The following PTPN5 variants were observed in gnomAD, a reference collection of about 807,000 sequenced individuals.
PTPN5 encodes the protein protein tyrosine phosphatase non-receptor type 5, also known as tyrosine-protein phosphatase non-receptor type 5.
PTPN5 carries 29 observed loss-of-function variants against 73.9 expected under a neutral mutation model. The ratio of observed to expected loss-of-function variants is 0.39; its 90% CI spans 0.29 to 0.54. The LOEUF (loss-of-function observed/expected upper bound fraction) is 0.54. Among genes scored for constraint, PTPN5 ranks in the 20% least tolerant of loss-of-function variants. PTPN5 has a pLI of 0.65. For missense variants in PTPN5, 652 were observed against 751.4 expected, an observed-to-expected ratio of 0.87 and a Z score of 1.55; for synonymous variants, 267 against 304.7, an observed-to-expected ratio of 0.88 and a Z score of 1.29.
At chr11:18,773,092 A>C (rs1441390667) in intron 1 of PTPN5, among the ~76,000 whole-genome samples, 1 of 150,552 alleles carries the variant, frequency 6.6e-6, no homozygotes. Context: ...AAGGACTAGA[A>C]AGAAATGTAG....
chr11:18,777,381 A>G (rs769968091), intron 1 of PTPN5, among the ~76,000 whole-genome samples: 8 of 152,174 alleles, frequency 5.3e-5, no homozygotes, highest in Non-Finnish European at 1.2e-4. Flanking sequence ...ATCTTCACAC[A>G]AAGTTTTTAC....
chr11:18,731,250 A>ATTATATGTATG, intron 12 of PTPN5, among the ~76,000 whole-genome samples: 1 of 149,724 alleles, frequency 6.7e-6, no homozygotes, highest in Non-Finnish European at 1.5e-5. Flanking sequence ...ATATACATAC[A>ATTATATGTATG]TATATGATAT....
At chr11:18,749,280 TCAC>T (rs1198775442) in intron 3 of PTPN5, 1 of 444,780 alleles carries the variant, frequency 2.2e-6, no homozygotes, top group Non-Finnish European at 4.5e-6. Flanking sequence ...CCTCATGGAC[TCAC>T]CTCTTGCACA....
Position 18,776,762 on chromosome 11 carries a change from T to C in PTPN5, c.-113-4691A>G, listed in dbSNP as rs184461129. On this transcript the variant is annotated intron_variant, in intron 1 of 14. Transcript: ENST00000358540. Reference sequence around the variant, plus strand: ...ATCACTAGGTTTACAGCATCTGATATGGACTTTTCTGCTTCCCATGTCCAA... The same window carrying C: ...ATCACTAGGTTTACAGCATCTGATACGGACTTTTCTGCTTCCCATGTCCAA... Among the ~76,000 whole-genome samples the C allele has an allele frequency of 1.5e-3, 234 of 152,320 alleles. 3 individuals carry two copies. The highest frequency in any genetic ancestry group is 4.8e-3 in the South Asian group (23 of 4,828).
intron 1 of PTPN5, among the ~76,000 whole-genome samples, chr11:18,777,403 G>C (rs544648704): frequency 6.6e-6 from 1 of 152,250 alleles, no homozygotes; most frequent in South Asian, 2.1e-4. Context: ...TGAGATGCAT[G>C]GAAAATGTGT....
intron 3 of PTPN5, among the ~76,000 whole-genome samples, chr11:18,758,321 C>G (rs1313080444): frequency 6.6e-6 from 1 of 152,156 alleles, no homozygotes; most frequent in Non-Finnish European, 1.5e-5. Flanking sequence ...TTTTTTGCCC[C>G]TCTTAGAGTG....
intron 3 of PTPN5, among the ~76,000 whole-genome samples, chr11:18,747,371 G>A (rs1849689634): frequency 6.6e-6 from 1 of 151,884 alleles, no homozygotes; most frequent in Non-Finnish European, 1.5e-5. Context: ...GGCTGGTCTT[G>A]AACTCCTGAC....
intron 3 of PTPN5, among the ~76,000 whole-genome samples, chr11:18,745,100 G>A (rs10766500): frequency 0.65 from 98,725 of 152,128 alleles, 32,779 homozygotes; most frequent in Middle Eastern, 0.86. Flanking sequence ...ATAGCATGGG[G>A]ATTCTAGCTG....
intron 2 of PTPN5, among the ~76,000 whole-genome samples, chr11:18,767,064 C>T (rs1850676221): frequency 6.6e-6 from 1 of 152,158 alleles, no homozygotes; most frequent in Non-Finnish European, 1.5e-5. Context: ...CACATTTTAG[C>T]TTACGCCAGT....
chr11:18,783,234 T>C (rs1370101190), intron 1 of PTPN5, among the ~76,000 whole-genome samples: 2 of 152,208 alleles, frequency 1.3e-5, no homozygotes, highest in East Asian at 3.8e-4. Flanking sequence ...CCCTGCCTCA[T>C]GATAAGCAGC....
intron 3 of PTPN5, among the ~76,000 whole-genome samples, chr11:18,758,719 G>C (rs1312658398): frequency 1.2e-4 from 18 of 152,040 alleles, no homozygotes. Flanking sequence ...CTGAGAGCTG[G>C]GGTGATTTGT....
Position 18,729,721 on chromosome 11 carries a change from C to T in PTPN5, c.1427G>A (p.Arg476Gln), listed in dbSNP as rs545548669. The change falls in exon 13 of 15, where the codon CGG (arginine) becomes CAG (glutamine). Residue 476 changes from arginine to glutamine, a missense_variant. Transcript: ENST00000358540. The surrounding 1 kb of genome is among the most constrained non-coding windows in gnomAD (Gnocchi z 5.2). ...DRAPPLLHLV[R>Q]EVEEAAQQEG... ...CTGCTGGGCTGCCTCCTCCACCTCC[C>T]GCACCAGGTGCAGGAGTGGGGGGGC... is the stretch of plus-strand genomic sequence containing the variant. The T allele has an allele frequency of 5.1e-5, 81 of 1,595,326 alleles. No individual in the cohort carries two copies. The highest frequency in any genetic ancestry group is 6.2e-5 in the Non-Finnish European group (72 of 1,167,836).
At chr11:18,750,494 G>A (rs543889954) in intron 3 of PTPN5, among the ~76,000 whole-genome samples, 1 of 152,246 alleles carries the variant, frequency 6.6e-6, no homozygotes, top group Non-Finnish European at 1.5e-5. Flanking sequence ...TGATGATGCT[G>A]GGCTCCATGG....
Position 18,744,162 on chromosome 11 carries a change from C to T in PTPN5, c.135G>A (p.Glu45=). ...TCTGTGAGTCCTGGAGCCCTTCAGC[C>T]TCGTCCAGTGCCTCCATCACTATCG... ...PQPIVMEALD[E]AEGLQDSQRE... The change falls in exon 4 of 15, where the codon GAG becomes GAA. Residue 45 remains glutamate, a synonymous_variant. Coordinates refer to ENST00000358540, the MANE Select transcript of PTPN5 (RefSeq NM_006906.2). 2 of 1,590,104 alleles carry T rather than the reference C, an allele frequency of 1.3e-6. No homozygotes were observed. Among genetic ancestry groups the T allele is most frequent in the Non-Finnish European group, 1.7e-6 (2 of 1,170,842 alleles).
At chr11:18,730,748 T>G (rs1848836719) in intron 12 of PTPN5, 1 of 152,154 alleles carries the variant, frequency 6.6e-6, no homozygotes, top group Non-Finnish European at 1.5e-5. Context: ...GACCACAACA[T>G]CCTTCAATGT....
chr11:18,789,406 C>G (rs1007296744), intron 1 of PTPN5, among the ~76,000 whole-genome samples: 1 of 152,156 alleles, frequency 6.6e-6, no homozygotes. Flanking sequence ...GGGTTATATA[C>G]TGACACCGTA....
At chr11:18,746,589 ATAAT>A (rs5790048) in intron 3 of PTPN5, among the ~76,000 whole-genome samples, 110,494 of 151,622 alleles carry the variant, frequency 0.73, 41,091 homozygotes, top group East Asian at 0.96. Context: ...ATGCTAACAC[ATAAT>A]TAATTCTTGT....
chr11:18,749,302 G>A (rs561390289), intron 3 of PTPN5: 1 of 491,252 alleles, frequency 2.0e-6, no homozygotes. Context: ...CAGGATGATG[G>A]GATTTTCCAG....
intron 9 of PTPN5, among the ~76,000 whole-genome samples, chr11:18,736,159 G>T (rs901097844): frequency 6.6e-5 from 10 of 152,138 alleles, no homozygotes; most frequent in Non-Finnish European, 1.5e-4. Context: ...TGCAGACCCC[G>T]GCATGGTGGC....
Sources: gnomAD v4.1 joint callset for allele counts (sites outside exome capture counted in the v4.1 genomes callset) on GRCh38, gnomAD v4.1.1 for gene constraint, Gnocchi (gnomAD v3.1) non-coding constraint, MANE v1.5 for transcripts, NCBI Gene and HGNC (gene_info 2026-07-23, HGNC 2026-07-21) for gene names.